The following ZC2HC1B variants were observed in gnomAD, a reference collection of about 807,000 sequenced individuals.
The protein encoded by ZC2HC1B is zinc finger C2HC domain-containing protein 1B.
A neutral mutation model predicts 31.0 loss-of-function variants in ZC2HC1B; 36 were observed. That is an observed-to-expected ratio of 1.16 (90% CI 0.89 to 1.54). ZC2HC1B has a LOEUF of 1.54. Ranked by LOEUF, ZC2HC1B falls within the 40% of genes most tolerant of loss-of-function variation. The probability of loss-of-function intolerance (pLI) is 0.00; values close to 1 mark genes in which losing one functional copy is unlikely to be tolerated. For missense variants in ZC2HC1B, 260 were observed against 268.6 expected (o/e 0.97, Z 0.22); for synonymous variants, 73 against 88.0 (o/e 0.83, Z 0.95).
intron 6 of ZC2HC1B, among the ~76,000 whole-genome samples, chr6:143,907,488 T>C (rs1193447165): frequency 6.6e-6 from 1 of 152,248 alleles, no homozygotes; most frequent in Non-Finnish European, 1.5e-5. Flanking sequence ...TGGTGTAAGA[T>C]GGTATCTCAT....
rs1778012575 is a variant in ZC2HC1B, at chr6:143,924,374, A to G, written c.599-13275A>G. On this transcript the variant is annotated intron_variant, in intron 6 of 7. Coordinates refer to ENST00000237275, the MANE Select transcript of ZC2HC1B (RefSeq NM_001013623.3). This position sits in a 1 kb window ranked among gnomAD's most constrained non-coding sequence, Gnocchi z 5.2. ...TTATATATATATATATGTATTACAT[A>G]TATATATCCATGTATATATAATACA... 1.3e-5 allele frequency among the ~76,000 whole-genome samples: 2 copies of G among 151,236 alleles called. No individual in the cohort carries two copies. The highest frequency in any genetic ancestry group is 1.3e-4 in the Admixed American group (2 of 15,176).
At position 143,937,721 on chromosome 6, in the gene ZC2HC1B, TC is replaced by T; in HGVS notation, c.*4del. The T allele has an allele frequency of 6.5e-7, 1 of 1,547,016 alleles. No homozygotes were observed. Among genetic ancestry groups the T allele is most frequent in the Non-Finnish European group, 8.7e-7 (1 of 1,145,650 alleles). Reference sequence around the variant, plus strand: ...AGTAAATCTTCTAAAAAAGATTAACTCCTAGAAGCCAGGTAAGAAAAAAAAA... The same window carrying T: ...AGTAAATCTTCTAAAAAAGATTAACTCTAGAAGCCAGGTAAGAAAAAAAAA... On this transcript the variant is annotated 3_prime_UTR_variant, in exon 7 of 8. Transcript: ENST00000237275.
Position 143,886,429 on chromosome 6 carries a change from T to G in ZC2HC1B, c.211-254T>G, listed in dbSNP as rs1406542465. On this transcript the variant is annotated intron_variant, in intron 3 of 7. Transcript: ENST00000237275. The surrounding 1 kb of genome is among the most constrained non-coding windows in gnomAD (Gnocchi z 4.2). ...GAAGAAAGTCACTTTTAATCTACATTTGCTTTTCTTTAAAGTTTTATAGTT... is the reference window on the plus strand; with the variant it reads ...GAAGAAAGTCACTTTTAATCTACATGTGCTTTTCTTTAAAGTTTTATAGTT... 6.6e-6 allele frequency among the ~76,000 whole-genome samples: 1 copy of G among 152,206 alleles called. No homozygotes were observed. Among genetic ancestry groups the G allele is most frequent in the Non-Finnish European group, 1.5e-5 (1 of 68,046 alleles).
chr6:143,868,457 T>C lies in ZC2HC1B; in HGVS notation c.28+3890T>C, dbSNP rs1381679350. Among the ~76,000 whole-genome samples the C allele has an allele frequency of 7.4e-6, 1 of 135,430 alleles. No individual in the cohort carries two copies. The highest frequency in any genetic ancestry group is 2.5e-4 in the South Asian group (1 of 4,026). 88.8% of individuals were successfully genotyped at this position (135,430 alleles called of 152,430 possible). A position where few individuals can be genotyped will look rare whatever the true frequency, so the allele number is the denominator to read the frequency against. ...AGGCTGGGAGGCTAGGCCAGTCTAG[T>C]CTTTTCACATTTTTTTTTTCTGCCT... On this transcript the variant is annotated intron_variant, in intron 1 of 7. Transcript: ENST00000237275. This position sits in a 1 kb window ranked among gnomAD's most constrained non-coding sequence, Gnocchi z 4.2.
chr6:143,936,979 T>A (rs146014336), intron 6 of ZC2HC1B, among the ~76,000 whole-genome samples: 1 of 152,280 alleles, frequency 6.6e-6, no homozygotes, highest in Non-Finnish European at 1.5e-5. Context: ...TTGTTATTGC[T>A]CCTTCATAAA....
intron 6 of ZC2HC1B, among the ~76,000 whole-genome samples, chr6:143,904,863 C>G (rs912003890): frequency 2.0e-5 from 3 of 152,154 alleles, no homozygotes; most frequent in Admixed American, 1.3e-4. Flanking sequence ...GGTCTTGCAC[C>G]CTTGTCAAAA....
rs1157317317 is a variant in ZC2HC1B, at chr6:143,864,516, CTG to C, written c.-22_-21del. On this transcript the variant is annotated 5_prime_UTR_variant, in exon 1 of 8. Transcript: ENST00000237275. Reference sequence around the variant, plus strand: ...ACTGGGCTGTAAAAATCTGTGAACACTGTTGCTCTGAGTTAGGAACAGAATGG... The same window carrying C: ...ACTGGGCTGTAAAAATCTGTGAACACTTGCTCTGAGTTAGGAACAGAATGG... 22 of 1,551,446 alleles carry C rather than the reference CTG, an allele frequency of 1.4e-5. No individual in the cohort carries two copies. Among genetic ancestry groups the C allele is most frequent in the Admixed American group, 2.0e-5 (1 of 50,986 alleles).
At chr6:143,919,869 A>G (rs1008958208) in intron 6 of ZC2HC1B, among the ~76,000 whole-genome samples, 6 of 152,198 alleles carry the variant, frequency 3.9e-5, no homozygotes, top group African/African-American at 1.4e-4. Context: ...TGCCAGCGCA[A>G]TTGTTATCTA....
At position 143,918,990 on chromosome 6, in the gene ZC2HC1B, G is replaced by A. The variant is rs1414032830; in HGVS notation, c.598+15838G>A. Among the ~76,000 whole-genome samples, 1 of 151,804 alleles carries A rather than the reference G, an allele frequency of 6.6e-6. No homozygotes were observed. The highest frequency in any genetic ancestry group is 1.5e-5 in the Non-Finnish European group (1 of 67,984). ...TTCACATCTTTTTTTAGTTCCCTGAGCATCTTCAGTTGTTTAAAAGTATTT... is the reference window on the plus strand; with the variant it reads ...TTCACATCTTTTTTTAGTTCCCTGAACATCTTCAGTTGTTTAAAAGTATTT... On this transcript the variant is annotated intron_variant, in intron 6 of 7. Coordinates refer to ENST00000237275, the MANE Select transcript of ZC2HC1B (RefSeq NM_001013623.3). This position sits in a 1 kb window ranked among gnomAD's most constrained non-coding sequence, Gnocchi z 4.1.
chr6:143,873,720 A>G (rs551856619), intron 1 of ZC2HC1B, among the ~76,000 whole-genome samples: 6 of 152,336 alleles, frequency 3.9e-5, no homozygotes, highest in African/African-American at 9.6e-5. Flanking sequence ...ATTGGCCCCA[A>G]TCAGCCACAG....
At chr6:143,881,133 ATCTC>A (rs1483704524) in intron 1 of ZC2HC1B, among the ~76,000 whole-genome samples, 3 of 152,058 alleles carry the variant, frequency 2.0e-5, no homozygotes, top group Admixed American at 6.6e-5. Context: ...TCTGTGTCCT[ATCTC>A]TCTAATTTTT....
At position 143,883,705 on chromosome 6, in the gene ZC2HC1B, G is replaced by A. The variant is rs1470346067; in HGVS notation, c.29-599G>A. On this transcript the variant is annotated intron_variant, in intron 1 of 7. Transcript: ENST00000237275. This position sits in a 1 kb window ranked among gnomAD's most constrained non-coding sequence, Gnocchi z 4.1. ...CTTTTCCAATGTCATTAATTTATCT[G>A]CATACTTTTTTTCTGTGCTGGTCCC... 4.6e-5 allele frequency among the ~76,000 whole-genome samples: 7 copies of A among 152,172 alleles called. No homozygotes were observed. Among genetic ancestry groups the A allele is most frequent in the South Asian group, 4.2e-4 (2 of 4,816 alleles).
chr6:143,929,947 C>T (rs923067794), intron 6 of ZC2HC1B, among the ~76,000 whole-genome samples: 7 of 152,052 alleles, frequency 4.6e-5, no homozygotes, highest in Non-Finnish European at 8.8e-5. Context: ...TCTCCTTTTT[C>T]TTTTCTGATT....
intron 4 of ZC2HC1B, among the ~76,000 whole-genome samples, chr6:143,893,618 C>G (rs1189642806): frequency 6.6e-6 from 1 of 152,046 alleles, no homozygotes; most frequent in Non-Finnish European, 1.5e-5. Flanking sequence ...TGATGTGGAC[C>G]AACTGGAAGT....
rs561294714 is a variant in ZC2HC1B, at chr6:143,872,963, C to A, written c.28+8396C>A. Among the ~76,000 whole-genome samples the A allele has an allele frequency of 1.4e-4, 22 of 152,244 alleles. No homozygotes were observed. Among genetic ancestry groups the A allele is most frequent in the African/African-American group, 4.6e-4 (19 of 41,542 alleles). ...CACATTTCAAAACCAATCATGCCTC[C>A]CCAACAGTCTCCCAAAGTCTTAACT... On this transcript the variant is annotated intron_variant, in intron 1 of 7. Coordinates refer to ENST00000237275, the MANE Select transcript of ZC2HC1B (RefSeq NM_001013623.3). This position sits in a 1 kb window ranked among gnomAD's most constrained non-coding sequence, Gnocchi z 5.5.
chr6:143,880,570 A>G (rs1033488017), intron 1 of ZC2HC1B, among the ~76,000 whole-genome samples: 6 of 152,320 alleles, frequency 3.9e-5, no homozygotes, highest in Admixed American at 1.3e-4. Context: ...TAATATAAAA[A>G]TGGTTCAGCA....
chr6:143,928,936 T>C (rs1778085128), intron 6 of ZC2HC1B, among the ~76,000 whole-genome samples: 1 of 152,170 alleles, frequency 6.6e-6, no homozygotes, highest in Non-Finnish European at 1.5e-5. Context: ...TTTGTCGATT[T>C]TGTATCCTGG....
At chr6:143,907,365 C>A (rs1434867073) in intron 6 of ZC2HC1B, among the ~76,000 whole-genome samples, 1 of 152,216 alleles carries the variant, frequency 6.6e-6, no homozygotes. Context: ...ACACTGTCTT[C>A]CACAATGGTT....
intron 7 of ZC2HC1B, 44 bp downstream of exon 7, chr6:143,937,777 T>A: frequency 7.0e-7 from 1 of 1,422,136 alleles, no homozygotes; most frequent in Non-Finnish European, 9.6e-7. Flanking sequence ...TGCTGACCAG[T>A]TAATGACTTT....
Sources: allele counts gnomAD v4.1 joint callset (sites outside exome capture counted in the v4.1 genomes callset), GRCh38; gene constraint gnomAD v4.1.1; non-coding constraint Gnocchi (gnomAD v3.1); transcripts MANE v1.5; gene names NCBI Gene and HGNC (gene_info 2026-07-23, HGNC 2026-07-21).